S100A8: variants seen among roughly 807,000 people sequenced by gnomAD.
S100A8 encodes the protein S100 calcium binding protein A8, also known as protein S100-A8.
A neutral mutation model predicts 4.2 loss-of-function variants in S100A8; 1 was observed. The observed-to-expected ratio is 0.24, with a 90% CI of 0.08 to 1.12. The LOEUF (loss-of-function observed/expected upper bound fraction) is 1.12. Ranked by LOEUF, S100A8 falls within the 50% of genes most tolerant of loss-of-function variation. S100A8 has a pLI of 0.53. For missense variants in S100A8, 96 were observed against 111.8 expected, an observed-to-expected ratio of 0.86 and a Z score of 0.64; for synonymous variants, 41 against 44.7, an observed-to-expected ratio of 0.92 and a Z score of 0.33.
the S100A8 span, chr1:153,418,011 C>A: frequency 6.3e-6 from 10 of 1,597,834 alleles, no homozygotes; most frequent in East Asian, 8.9e-5. Context: ...AACACCCCCA[C>A]ATAGAGACCT....
chr1:153,398,346 G>A, the S100A8 span, among the ~76,000 whole-genome samples: 2 of 152,198 alleles, frequency 1.3e-5, no homozygotes, highest in Non-Finnish European at 2.9e-5. Context: ...GAGGTGGAAG[G>A]GGAAGTAATG....
At chr1:153,415,523 C>G in the S100A8 span, among the ~76,000 whole-genome samples, 2 of 152,222 alleles carry the variant, frequency 1.3e-5, no homozygotes, top group Non-Finnish European at 2.9e-5. Flanking sequence ...TCCCAACCCT[C>G]TTGCCCCTAC....
chr1:153,400,398 C>T, the S100A8 span, among the ~76,000 whole-genome samples: 3 of 152,104 alleles, frequency 2.0e-5, no homozygotes, highest in Admixed American at 6.5e-5. Context: ...CAACACAAGA[C>T]TTCTCCCAGC....
the S100A8 span, among the ~76,000 whole-genome samples, chr1:153,411,244 C>T: frequency 6.6e-6 from 1 of 152,120 alleles, no homozygotes; most frequent in Non-Finnish European, 1.5e-5. Flanking sequence ...TCGCCTCAGC[C>T]CAAAATCTCC....
the S100A8 span, among the ~76,000 whole-genome samples, chr1:153,409,158 C>A: frequency 6.6e-6 from 1 of 152,152 alleles, no homozygotes; most frequent in Admixed American, 6.5e-5. Context: ...GGGCTAAATG[C>A]TCCAATTAAA....
At chr1:153,417,528 G>A in the S100A8 span, among the ~76,000 whole-genome samples, 1 of 152,200 alleles carries the variant, frequency 6.6e-6, no homozygotes, top group East Asian at 1.9e-4. Flanking sequence ...ACGCTCACAT[G>A]TGCACCTGGA....
At chr1:153,419,682 A>C in the S100A8 span, 1 of 220,880 alleles carries the variant, frequency 4.5e-6, no homozygotes, top group African/African-American at 2.3e-5. Flanking sequence ...ATTCAGACAC[A>C]TTCAGATACT....
the S100A8 span, among the ~76,000 whole-genome samples, chr1:153,408,887 A>C: frequency 6.6e-6 from 1 of 152,222 alleles, no homozygotes; most frequent in Non-Finnish European, 1.5e-5. Context: ...AAGCTTCATA[A>C]GTGGAGGAGA....
At chr1:153,420,769 A>T in the S100A8 span, 1 of 151,978 alleles carries the variant, frequency 6.6e-6, no homozygotes, top group African/African-American at 2.4e-5. Context: ...CTTGGAACTC[A>T]CGGAGACCTA....
the S100A8 span, among the ~76,000 whole-genome samples, chr1:153,403,428 T>G: frequency 6.6e-6 from 1 of 152,228 alleles, no homozygotes; most frequent in Non-Finnish European, 1.5e-5. Flanking sequence ...TATCATGAAC[T>G]GTTAGCTTCA....
rs1441224124 is a variant in S100A8, at chr1:153,390,135, T to C, written c.250A>G (p.Lys84Glu). The change falls in exon 3 of 3, where the codon AAA (lysine) becomes GAA (glutamate). Residue 84 changes from lysine to glutamate, a missense_variant. Transcript: ENST00000368733. The stretch of plus-strand genomic sequence containing the variant: ...TTGTGGCTTTCTTCATGGCTTTTTT[T>C]GTGGGCTGCCACGCCCATCTTTATC... ...LVIKMGVAAHKKSHEESHKE is the reference protein window; with the variant it reads ...LVIKMGVAAHEKSHEESHKE The C allele has an allele frequency of 6.2e-7, 1 of 1,614,070 alleles. No homozygotes were observed. Among genetic ancestry groups the C allele is most frequent in the African/African-American group, 1.3e-5 (1 of 75,036 alleles).
At chr1:153,403,569 C>G in the S100A8 span, among the ~76,000 whole-genome samples, 2 of 152,150 alleles carry the variant, frequency 1.3e-5, no homozygotes, top group African/African-American at 4.8e-5. Context: ...CATTAACCCC[C>G]TCCCCACCCC....
At chr1:153,395,959 C>T (rs566641979), upstream of S100A8, among the ~76,000 whole-genome samples, 24 of 152,348 alleles carry the variant, frequency 1.6e-4, no homozygotes, top group Middle Eastern at 3.4e-3. Flanking sequence ...GCTGTCGGAG[C>T]GGCATGTTAG....
In S100A8 at chr1:153,390,540, C is replaced by T. The variant is rs1662065880; in HGVS notation, c.-5G>A. 6.2e-7 allele frequency: 1 copy of T among 1,614,090 alleles called. No individual in the cohort carries two copies. The highest frequency in any genetic ancestry group is 8.5e-7 in the Non-Finnish European group (1 of 1,179,978). On this transcript the variant is annotated 5_prime_UTR_variant, in exon 2 of 3. Transcript: ENST00000368733. ...TTTCTCCAGCTCGGTCAACATGATG[C>T]CCACGGACTTGCCCCACCTGAAAAA...
At chr1:153,419,103 T>C in the S100A8 span, 1 of 1,603,214 alleles carries the variant, frequency 6.2e-7, no homozygotes, top group Non-Finnish European at 8.5e-7. Flanking sequence ...AAAACTTGTT[T>C]GTGATTGAAT....
chr1:153,391,797 A>G (rs1247581540), upstream of S100A8, among the ~76,000 whole-genome samples: 1 of 152,060 alleles, frequency 6.6e-6, no homozygotes, highest in Non-Finnish European at 1.5e-5. Context: ...GAGCCATTGC[A>G]TAAACACAGC....
chr1:153,409,327 C>T, the S100A8 span, among the ~76,000 whole-genome samples: 2 of 152,156 alleles, frequency 1.3e-5, no homozygotes, highest in East Asian at 3.8e-4. Context: ...TGCTTGCAAT[C>T]CTAGTCTCTG....
At chr1:153,400,420 A>G in the S100A8 span, among the ~76,000 whole-genome samples, 20,316 of 151,594 alleles carry the variant, frequency 0.13, 1,463 homozygotes, top group African/African-American at 0.2. Context: ...GGCCCCTTCT[A>G]CTTGGCCCCA....
At chr1:153,414,385 G>T in the S100A8 span, among the ~76,000 whole-genome samples, 8 of 152,098 alleles carry the variant, frequency 5.3e-5, no homozygotes, top group Admixed American at 5.2e-4. Context: ...TATCCAAAAC[G>T]TACAAAGAAC....
Sources: gnomAD v4.1 joint callset for allele counts (sites outside exome capture counted in the v4.1 genomes callset) on GRCh38, gnomAD v4.1.1 for gene constraint, MANE v1.5 for transcripts, NCBI Gene and HGNC (gene_info 2026-07-23, HGNC 2026-07-21) for gene names.